The following GPR149 variants were observed in gnomAD, a reference collection of about 807,000 sequenced individuals.
GPR149 encodes G protein-coupled receptor 149.
Under a neutral mutation model 50.2 loss-of-function variants are expected in GPR149, and 50 were observed. The observed-to-expected ratio is 1.00, with a 90% CI of 0.79 to 1.26. GPR149 has a LOEUF of 1.26. Ranked by LOEUF, GPR149 falls within the 50% of genes most tolerant of loss-of-function variation. GPR149 has a pLI of 0.00. For missense variants in GPR149, 983 were observed against 895.4 expected (o/e 1.10, Z -1.25); for synonymous variants, 405 against 358.2 (o/e 1.13, Z -1.48).
chr3:154,405,126 A>G (rs1465414277), intron 3 of GPR149, among the ~76,000 whole-genome samples: 5 of 152,234 alleles, frequency 3.3e-5, no homozygotes, highest in East Asian at 3.8e-4. Context: ...ATATGATATT[A>G]TACTTATAAA....
At chr3:154,424,582 T>C (rs1457922838) in intron 2 of GPR149, among the ~76,000 whole-genome samples, 1 of 152,052 alleles carries the variant, frequency 6.6e-6, no homozygotes, top group South Asian at 2.1e-4. Context: ...CGTGTGTGTG[T>C]CTGTGAAAGA....
intron 2 of GPR149, among the ~76,000 whole-genome samples, chr3:154,423,147 A>C (rs1463029509): frequency 1.3e-5 from 2 of 151,930 alleles, no homozygotes; most frequent in East Asian, 1.9e-4. Context: ...GACAAGGGGC[A>C]GTGTGAGGTA....
At chr3:154,380,057 A>C (rs1030639648) in intron 3 of GPR149, among the ~76,000 whole-genome samples, 1 of 152,132 alleles carries the variant, frequency 6.6e-6, no homozygotes. Context: ...AATTAGGCTC[A>C]TATGGTAAGT....
chr3:154,388,757 C>T (rs1715101613), intron 3 of GPR149, among the ~76,000 whole-genome samples: 2 of 152,150 alleles, frequency 1.3e-5, no homozygotes, highest in Middle Eastern at 3.4e-3. Context: ...GGTTGACCAT[C>T]CTAACACTGA....
intron 3 of GPR149, among the ~76,000 whole-genome samples, chr3:154,377,532 A>C (rs762083877): frequency 1.6e-4 from 25 of 151,654 alleles, no homozygotes; most frequent in Admixed American, 5.3e-4. Context: ...ATGCCTAGCT[A>C]ATTTTTGTAT....
intron 3 of GPR149, among the ~76,000 whole-genome samples, chr3:154,404,909 A>G (rs1316485660): frequency 1.3e-5 from 2 of 152,148 alleles, no homozygotes; most frequent in African/African-American, 2.4e-5. Flanking sequence ...TATCTGCCTC[A>G]CAAAGTAGTG....
At chr3:154,389,531 C>A in intron 3 of GPR149, among the ~76,000 whole-genome samples, 1 of 152,066 alleles carries the variant, frequency 6.6e-6, no homozygotes, top group East Asian at 1.9e-4. Context: ...CTGATGGAAC[C>A]AGGAACACTA....
chr3:154,398,012 A>ATATCTATGT (rs1469212598), intron 3 of GPR149, among the ~76,000 whole-genome samples: 1 of 152,028 alleles, frequency 6.6e-6, no homozygotes, highest in African/African-American at 2.4e-5. Flanking sequence ...ATCTATGTTA[A>ATATCTATGT]TATTATTTGT....
At chr3:154,409,710 G>T (rs1711784419) in intron 3 of GPR149, among the ~76,000 whole-genome samples, 1 of 152,130 alleles carries the variant, frequency 6.6e-6, no homozygotes, top group East Asian at 1.9e-4. Flanking sequence ...AATGTACAAA[G>T]CCTACAAGAA....
intron 3 of GPR149, chr3:154,354,146 T>A (rs1714157254): frequency 2.0e-6 from 1 of 496,836 alleles, no homozygotes; most frequent in Non-Finnish European, 3.9e-6. Context: ...TTAGTTTTTT[T>A]TGGCCTTGGA....
intron 3 of GPR149, among the ~76,000 whole-genome samples, chr3:154,370,854 C>T (rs112414962): frequency 6.6e-6 from 1 of 152,180 alleles, no homozygotes; most frequent in Non-Finnish European, 1.5e-5. Context: ...AGACTTTGTT[C>T]TTTTCACATG....
At chr3:154,349,666 A>G (rs1484961784) in intron 3 of GPR149, among the ~76,000 whole-genome samples, 1 of 152,224 alleles carries the variant, frequency 6.6e-6, no homozygotes, top group Non-Finnish European at 1.5e-5. Flanking sequence ...ATAGTTAAGT[A>G]AGGATTAATA....
At chr3:154,381,483 G>A (rs1334937685) in intron 3 of GPR149, among the ~76,000 whole-genome samples, 3 of 152,068 alleles carry the variant, frequency 2.0e-5, no homozygotes, top group Admixed American at 2.0e-4. Flanking sequence ...GAAAAATAAG[G>A]TTTTACTATT....
chr3:154,385,219 T>C (rs1219978508), intron 3 of GPR149, among the ~76,000 whole-genome samples: 2 of 152,208 alleles, frequency 1.3e-5, no homozygotes, highest in African/African-American at 2.4e-5. Flanking sequence ...ATGTCTGCTG[T>C]AGGGCAGGAT....
At chr3:154,424,332 T>G (rs557292782) in intron 2 of GPR149, among the ~76,000 whole-genome samples, 6 of 151,972 alleles carry the variant, frequency 3.9e-5, no homozygotes, top group African/African-American at 1.4e-4. Flanking sequence ...GTGAGTGAAT[T>G]AATGAATGAA....
intron 3 of GPR149, among the ~76,000 whole-genome samples, chr3:154,375,588 T>C (rs1427323807): frequency 6.6e-6 from 1 of 152,234 alleles, no homozygotes; most frequent in Non-Finnish European, 1.5e-5. Context: ...GTCAGTCTTA[T>C]CAAACATTTT....
chr3:154,360,741 T>C (rs1004082270), intron 3 of GPR149, among the ~76,000 whole-genome samples: 9 of 152,218 alleles, frequency 5.9e-5, no homozygotes, highest in Non-Finnish European at 1.3e-4. Flanking sequence ...CATTATTCTC[T>C]CTGCATATGT....
chr3:154,354,965 C>A (rs1182595992), intron 3 of GPR149, among the ~76,000 whole-genome samples: 1 of 152,110 alleles, frequency 6.6e-6, no homozygotes, highest in African/African-American at 2.4e-5. Context: ...CCTCATTTTA[C>A]ATTGATTTTA....
At chr3:154,352,305 C>A in intron 3 of GPR149, 1 of 914,356 alleles carries the variant, frequency 1.1e-6, no homozygotes, top group South Asian at 1.5e-5. Context: ...GCCACTTGAC[C>A]AGCCATTCCT....
Sources: allele counts gnomAD v4.1 joint callset (sites outside exome capture counted in the v4.1 genomes callset), GRCh38; gene constraint gnomAD v4.1.1; transcripts MANE v1.5; gene names NCBI Gene and HGNC (gene_info 2026-07-23, HGNC 2026-07-21).